The following WNK2 variants were observed in gnomAD, a reference collection of about 807,000 sequenced individuals.
WNK2 encodes serine/threonine-protein kinase WNK2.
WNK2 carries 67 observed loss-of-function variants against 192.1 expected under a neutral mutation model. That is an observed-to-expected ratio of 0.35 (90% CI 0.29 to 0.43). WNK2 has a LOEUF of 0.43. Ranked by LOEUF, WNK2 falls within the 20% of genes least tolerant of loss-of-function variation. The pLI, the probability that WNK2 is intolerant of heterozygous loss-of-function variation, is 1.00. For synonymous variants in WNK2, 1,439 were observed against 1,393.9 expected (o/e 1.03, Z -0.72); for missense variants, 2,698 against 3,089.7 (o/e 0.87, Z 3.01).
At chr9:93,311,661 T>C (rs965750727) in intron 28 of WNK2, among the ~76,000 whole-genome samples, 10 of 133,954 alleles carry the variant, frequency 7.5e-5, no homozygotes, top group African/African-American at 2.7e-4. Context: ...AGTTTTGCTC[T>C]TTTGCCCAGG....
chr9:93,193,215 C>T (rs992657860), intron 2 of WNK2, among the ~76,000 whole-genome samples: 9 of 152,146 alleles, frequency 5.9e-5, no homozygotes, highest in Non-Finnish European at 1.0e-4. Flanking sequence ...ATACAAAATA[C>T]CCCAGGGGTA....
chr9:93,216,953 G>A (rs1835848048), intron 2 of WNK2, among the ~76,000 whole-genome samples: 1 of 151,020 alleles, frequency 6.6e-6, no homozygotes, highest in Admixed American at 6.6e-5. Context: ...TTATCAATAA[G>A]ATTCAAAAAA....
In WNK2 at chr9:93,229,908, T is replaced by C; in HGVS notation, c.854+40T>C. ...CTGAGGGCTGGGGCGGGTCCTGGCA[T>C]GGGTGCAGGGCTACCATAGCTGAGG... On this transcript the variant is annotated intron_variant, in intron 3 of 29. Transcript: ENST00000427277. This position sits in a 1 kb window ranked among gnomAD's most constrained non-coding sequence, Gnocchi z 4.9. The C allele has an allele frequency of 6.2e-7, 1 of 1,601,860 alleles. No individual in the cohort carries two copies. Among genetic ancestry groups the C allele is most frequent in the Non-Finnish European group, 8.5e-7 (1 of 1,173,608 alleles).
chr9:93,258,115 T>C (rs555211077), intron 11 of WNK2, among the ~76,000 whole-genome samples: 1 of 152,346 alleles, frequency 6.6e-6, no homozygotes, highest in East Asian at 1.9e-4. Context: ...ATCGTTATCT[T>C]GCTCGTTCAG....
At position 93,259,243 on chromosome 9, in the gene WNK2, A is replaced by G. The variant is rs1413432217; in HGVS notation, c.2695A>G (p.Ile899Val). Reference protein sequence around the residue: ...VAPPGVAALSIHSAVAQLPGQ... With the variant: ...VAPPGVAALSVHSAVAQLPGQ... ...CCCACCGGGCGTGGCTGCCCTGTCC[A>G]TTCATTCTGCCGTGGCCCAGCTCCC... Residue 899 changes from isoleucine (I) to valine (V), a missense_variant, in exon 12 of 30, where the codon ATT becomes GTT. By Grantham distance (29) the Ile-to-Val change is conservative (BLOSUM62 3). Transcript: ENST00000427277. The surrounding 1 kb of genome is among the most constrained non-coding windows in gnomAD (Gnocchi z 4.8). The G allele has an allele frequency of 2.5e-6, 4 of 1,612,974 alleles. No homozygotes were observed. The highest frequency in any genetic ancestry group is 2.7e-5 in the African/African-American group (2 of 74,826).
At chr9:93,256,743 T>C in intron 10 of WNK2, 1 of 684,528 alleles carries the variant, frequency 1.5e-6, no homozygotes, top group Non-Finnish European at 2.4e-6. Context: ...GTGCCCTGGC[T>C]CCAGGCTGGC....
chr9:93,267,677 A>G (rs1845386792), intron 16 of WNK2, 69 bp from the exon 17 acceptor site: 1 of 1,474,194 alleles, frequency 6.8e-7, no homozygotes, highest in Non-Finnish European at 9.1e-7. Flanking sequence ...ACATCCGTCA[A>G]TCCAGATGAA....
intron 6 of WNK2, 35 bp downstream of exon 6, chr9:93,238,356 A>G: frequency 6.3e-7 from 1 of 1,579,218 alleles, no homozygotes; most frequent in Non-Finnish European, 8.7e-7. Context: ...TCTGGGGTCC[A>G]TCTCCAGCTG....
At chr9:93,269,425 A>C (rs1845708290) in intron 19 of WNK2, among the ~76,000 whole-genome samples, 1 of 152,188 alleles carries the variant, frequency 6.6e-6, no homozygotes, top group African/African-American at 2.4e-5. Context: ...TTTTAATTTT[A>C]TGTCATGTGC....
chr9:93,234,436 G>C (rs959919873), intron 4 of WNK2, among the ~76,000 whole-genome samples: 3 of 152,154 alleles, frequency 2.0e-5, no homozygotes, highest in Admixed American at 6.5e-5. Flanking sequence ...ACGTGGCTGC[G>C]GCCGAGCCTG....
At position 93,259,834 on chromosome 9, in the gene WNK2, C is replaced by T. The variant is rs1110335; in HGVS notation, c.3066+220C>T. 0.32 allele frequency among the ~76,000 whole-genome samples: 48,971 copies of T among 152,158 alleles called. 8,063 individuals carry two copies. The highest frequency in any genetic ancestry group is 0.52 in the South Asian group (2,521 of 4,824). On this transcript the variant is annotated intron_variant, in intron 12 of 29. Transcript: ENST00000427277. The surrounding 1 kb of genome is among the most constrained non-coding windows in gnomAD (Gnocchi z 4.8). ...GAATGGGTCAGGAGATGCAGGAGTC[C>T]GTGCCTGATAGGTTCTGTGTCCCTA...
intron 13 of WNK2, among the ~76,000 whole-genome samples, chr9:93,262,339 A>G (rs141453738): frequency 1.6e-3 from 247 of 152,384 alleles, no homozygotes; most frequent in Middle Eastern, 6.8e-3. Context: ...CTGGGACAGG[A>G]TGCAAGAGAC....
chr9:93,224,379 C>G (rs1837451277), intron 2 of WNK2, among the ~76,000 whole-genome samples: 1 of 152,214 alleles, frequency 6.6e-6, no homozygotes, highest in South Asian at 2.1e-4. Flanking sequence ...AGGGGGCTGC[C>G]TGCAGACACC....
intron 9 of WNK2, among the ~76,000 whole-genome samples, chr9:93,253,714 G>T (rs1347886798): frequency 6.6e-6 from 1 of 152,170 alleles, no homozygotes; most frequent in Non-Finnish European, 1.5e-5. Flanking sequence ...GGAACCTCGG[G>T]CTGTGACGAC....
chr9:93,201,952 T>C (rs1263633678), intron 2 of WNK2, among the ~76,000 whole-genome samples: 1 of 152,212 alleles, frequency 6.6e-6, no homozygotes, highest in Admixed American at 6.5e-5. Context: ...GTGGAGCTCC[T>C]TGGGGCCTGG....
intron 15 of WNK2, 57 bp from the exon 16 acceptor site, chr9:93,263,860 T>TGTGGCGGGTGCACGTGTGGGTACGCCC (rs1844739919): frequency 5.4e-5 from 50 of 926,648 alleles, no homozygotes; most frequent in Non-Finnish European, 6.3e-5. Context: ...TGTGTGGGGG[T>TGTGGCGGGTGCACGTGTGGGTACGCCC]GTGGCGGGTG....
At chr9:93,311,872 G>A (rs1323600791) in intron 28 of WNK2, among the ~76,000 whole-genome samples, 1 of 145,690 alleles carries the variant, frequency 6.9e-6, no homozygotes, top group African/African-American at 2.4e-5. Context: ...CACCCGCCTC[G>A]GCCTCCCAAA....
chr9:93,208,727 C>CGTGTTGTGT (rs1833893431), intron 2 of WNK2, among the ~76,000 whole-genome samples: 3 of 2,044 alleles, frequency 1.5e-3, no homozygotes, highest in South Asian at 0.021. Context: ...GCTCTTCGTG[C>CGTGTTGTGT]GTGTTCTGTG....
Position 93,247,402 on chromosome 9 carries a change from G to A in WNK2, c.1543-141G>A, listed in dbSNP as rs367827701. Reference sequence around the variant, plus strand: ...GCCATGCCATCTCTGAGCTGTCCCCGCGGATTTTACATTCAGTGGCAGTGG... The same window carrying A: ...GCCATGCCATCTCTGAGCTGTCCCCACGGATTTTACATTCAGTGGCAGTGG... On this transcript the variant is annotated intron_variant, in intron 7 of 29. Coordinates refer to ENST00000427277, the MANE Select transcript of WNK2 (RefSeq NM_006648.4). The surrounding 1 kb of genome is among the most constrained non-coding windows in gnomAD (Gnocchi z 5.2). 99 of 1,039,034 alleles carry A rather than the reference G, an allele frequency of 9.5e-5. No individual in the cohort carries two copies. The highest frequency in any genetic ancestry group is 6.8e-4 in the East Asian group (26 of 38,018). The allele number at this position is 1,039,034 out of a possible 1,614,324, so 64.4% of individuals were successfully genotyped here.
Sources: gnomAD v4.1 joint callset for allele counts (sites outside exome capture counted in the v4.1 genomes callset) on GRCh38, gnomAD v4.1.1 for gene constraint, Gnocchi (gnomAD v3.1) non-coding constraint, MANE v1.5 for transcripts, NCBI Gene and HGNC (gene_info 2026-07-23, HGNC 2026-07-21) for gene names.